Variants in KIAA1671 observed in about 807,000 individuals in gnomAD.
The protein encoded by KIAA1671 is KIAA1671, also known as uncharacterized protein KIAA1671.
Under a neutral mutation model 131.2 loss-of-function variants are expected in KIAA1671, and 52 were observed. The ratio of observed to expected loss-of-function variants is 0.40; its 90% CI spans 0.32 to 0.50. The LOEUF is 0.50. KIAA1671 is among the 20% of genes least tolerant of loss of function. The pLI, the probability that KIAA1671 is intolerant of heterozygous loss-of-function variation, is 0.73. For missense variants in KIAA1671, 2,360 were observed against 2,364.2 expected (o/e 1.00, Z 0.04); for synonymous variants, 1,003 against 961.6 (o/e 1.04, Z -0.80).
chr22:25,133,158 A>G (rs1008401220), intron 6 of KIAA1671, among the ~76,000 whole-genome samples: 1 of 152,160 alleles, frequency 6.6e-6, no homozygotes, highest in East Asian at 1.9e-4. Context: ...TATTATGCAA[A>G]TATACATTAG....
Position 25,000,482 on chromosome 22 carries a change from C to A in KIAA1671, c.-207-25151C>A, listed in dbSNP as rs185402268. 5.5e-4 allele frequency among the ~76,000 whole-genome samples: 35 copies of A among 64,122 alleles called. 6 individuals are homozygous for A. Among genetic ancestry groups the A allele is most frequent in the African/African-American group, 1.5e-3 (29 of 18,980 alleles). 42.1% of individuals were successfully genotyped at this position (64,122 alleles called of 152,430 possible). ...TGCTGGGATTACAGGCGTGAGCCAC[C>A]GCGCCCGGCCTTTTTTTTTTTTTTT... On this transcript the variant is annotated intron_variant, in intron 1 of 12. Transcript: ENST00000358431.
At chr22:24,995,056 T>C (rs1267480551) in intron 1 of KIAA1671, among the ~76,000 whole-genome samples, 6 of 150,986 alleles carry the variant, frequency 4.0e-5, no homozygotes, top group Admixed American at 4.0e-4. Flanking sequence ...GTTTTTTTTT[T>C]TTTTTTTAAT....
chr22:25,015,392 G>A (rs1017631535), intron 1 of KIAA1671, among the ~76,000 whole-genome samples: 2 of 151,264 alleles, frequency 1.3e-5, no homozygotes, highest in Non-Finnish European at 2.9e-5. Flanking sequence ...AGAAAAACAC[G>A]GGGGGAAACA....
intron 1 of KIAA1671, among the ~76,000 whole-genome samples, chr22:24,963,681 C>T (rs1922137754): frequency 6.6e-6 from 1 of 152,022 alleles, no homozygotes; most frequent in African/African-American, 2.4e-5. Context: ...TGGCTCACAC[C>T]TGTAATCCCA....
At chr22:25,156,286 A>G (rs58844684) in intron 6 of KIAA1671, among the ~76,000 whole-genome samples, 42,346 of 151,586 alleles carry the variant, frequency 0.28, 5,993 homozygotes, top group South Asian at 0.36. Context: ...CGGCTTCCCA[A>G]AGTGCTGGGA....
chr22:25,140,423 C>T (rs1049407994), intron 6 of KIAA1671, among the ~76,000 whole-genome samples: 19 of 151,994 alleles, frequency 1.3e-4, no homozygotes, highest in African/African-American at 3.1e-4. Flanking sequence ...TCGCCCAGGC[C>T]GGACTGCGGT....
intron 9 of KIAA1671, chr22:25,179,369 C>G (rs562915857): frequency 1.9e-6 from 3 of 1,604,032 alleles, no homozygotes; most frequent in African/African-American, 2.7e-5. Context: ...CGTGCAGCTC[C>G]TCGCGCAGCC....
intron 6 of KIAA1671, among the ~76,000 whole-genome samples, chr22:25,095,251 T>G (rs1930337953): frequency 6.6e-6 from 1 of 152,162 alleles, no homozygotes; most frequent in South Asian, 2.1e-4. Context: ...GTAGGTGTGG[T>G]TCTTATGAAA....
At position 25,028,859 on chromosome 22, in the gene KIAA1671, T is replaced by G; in HGVS notation, c.860T>G (p.Leu287Arg). Residue 287 changes from leucine to arginine, a missense_variant, in exon 3 of 13, where the codon CTC (leucine) becomes CGC (arginine). Leu to Arg is a moderately radical substitution (Grantham distance 102, BLOSUM62 -2). Coordinates refer to ENST00000358431, the MANE Select transcript of KIAA1671 (RefSeq NM_001145206.2). ...AAGCCCAGGCCCTTGTCCATGGACC[T>G]CACGGCCCGGTTTGAGAACAAAGAG... ...VRKPRPLSMDLTARFENKEAL... is the reference protein window; with the variant it reads ...VRKPRPLSMDRTARFENKEAL... The G allele has an allele frequency of 6.4e-7, 1 of 1,550,932 alleles. No homozygotes were observed. The highest frequency in any genetic ancestry group is 8.7e-7 in the Non-Finnish European group (1 of 1,146,856).
chr22:24,956,871 C>CAAAA lies in KIAA1671; in HGVS notation c.-208+4113_-208+4116dup, dbSNP rs60921102. Among the ~76,000 whole-genome samples the CAAAA allele has an allele frequency of 1.0e-2, 1,027 of 103,028 alleles. 23 individuals are homozygous for CAAAA. The highest frequency in any genetic ancestry group is 0.031 in the African/African-American group (912 of 29,130). The allele number at this position is 103,028 out of a possible 152,430, so 67.6% of individuals were successfully genotyped here. A position where few individuals can be genotyped will look rare whatever the true frequency, so the allele number is the denominator to read the frequency against. On this transcript the variant is annotated intron_variant, in intron 1 of 12. Transcript: ENST00000358431. Reference sequence around the variant, plus strand: ...TGGGCGAGAGAGCGAGACTCTGTCTCAAAAAAAAAAAAAAAAAGAAGGGAG... The same window carrying CAAAA: ...TGGGCGAGAGAGCGAGACTCTGTCTCAAAAAAAAAAAAAAAAAAAAAGAAGGGAG...
rs1409317086 is a variant in KIAA1671 at position 25,041,050 on chromosome 22, G to A, written c.3920G>A (p.Arg1307Lys). 7.3e-6 allele frequency: 11 copies of A among 1,510,674 alleles called. No homozygotes were observed. The South Asian group carries it at 1.2e-4, about 16-fold the overall frequency. 93.6% of individuals were successfully genotyped at this position (1,510,674 alleles called of 1,614,324 possible). The change falls in exon 5 of 13, where the codon AGG becomes AAG. Residue 1307 changes from arginine to lysine, a missense_variant. Physicochemically the swap from Arg to Lys is conservative, Grantham distance 26. Transcript: ENST00000358431. ...CTGCCACCCTCGGCTCCTTCTGAAAGGTATCCAGGGGGCTCTCCTATACCT... is the reference window on the plus strand; with the variant it reads ...CTGCCACCCTCGGCTCCTTCTGAAAAGTATCCAGGGGGCTCTCCTATACCT... ...WALPPSAPSE[R>K]YPGGSPIPAD...
chr22:25,152,901 C>G (rs533156400), intron 6 of KIAA1671, among the ~76,000 whole-genome samples: 1 of 152,030 alleles, frequency 6.6e-6, no homozygotes, highest in Non-Finnish European at 1.5e-5. Context: ...CACCATGCCT[C>G]GCCTAATTTT....
chr22:25,046,547 C>T (rs545385217), intron 5 of KIAA1671, among the ~76,000 whole-genome samples: 4 of 133,776 alleles, frequency 3.0e-5, no homozygotes, highest in South Asian at 4.6e-4. Flanking sequence ...AAGAGAGAGA[C>T]GATTTCACAT....
At chr22:25,091,211 C>T (rs554189095) in intron 6 of KIAA1671, among the ~76,000 whole-genome samples, 2 of 152,142 alleles carry the variant, frequency 1.3e-5, no homozygotes, top group Non-Finnish European at 2.9e-5. Context: ...GCGCCCACCA[C>T]CATGTCTGGC....
intron 10 of KIAA1671, 37 bp from the exon 11 acceptor site, chr22:25,184,940 A>G (rs1280668467): frequency 1.9e-6 from 3 of 1,550,004 alleles, no homozygotes; most frequent in Admixed American, 3.9e-5. Context: ...CCCCAGACAA[A>G]GGGCAGCTTA....
Position 25,003,831 on chromosome 22 carries a change from AT to A in KIAA1671, c.-207-21787del, listed in dbSNP as rs200843388. ...GCATCTATATCAAATAGAAAATAGG[AT>A]TTTTTTTTTTTTTTGAGCCCTGTCA... On this transcript the variant is annotated intron_variant, in intron 1 of 12. Coordinates refer to ENST00000358431, the MANE Select transcript of KIAA1671 (RefSeq NM_001145206.2). Among the ~76,000 whole-genome samples, 1,387 of 142,206 alleles carry A rather than the reference AT, an allele frequency of 9.8e-3. 12 individuals are homozygous for A. Among genetic ancestry groups the A allele is most frequent in the African/African-American group, 0.024 (916 of 38,914 alleles). 93.3% of individuals were successfully genotyped at this position (142,206 alleles called of 152,430 possible).
chr22:25,075,778 C>CTT (rs59244604), intron 6 of KIAA1671, among the ~76,000 whole-genome samples: 8 of 132,596 alleles, frequency 6.0e-5, no homozygotes, highest in East Asian at 4.6e-4. Flanking sequence ...CAGTGCGCAT[C>CTT]TTTTTTTTTT....
At chr22:25,065,646 TA>T (rs146382006) in intron 6 of KIAA1671, among the ~76,000 whole-genome samples, 34 of 150,894 alleles carry the variant, frequency 2.3e-4, no homozygotes, top group South Asian at 4.2e-4. Context: ...TTATTATTAT[TA>T]TTTTTTTTTT....
intron 6 of KIAA1671, among the ~76,000 whole-genome samples, chr22:25,085,574 AG>A (rs967377555): frequency 2.4e-5 from 3 of 122,916 alleles, no homozygotes; most frequent in Admixed American, 9.8e-5. Context: ...TGCTGCTGGG[AG>A]CTTTTGAGGA....
Sources: allele counts gnomAD v4.1 joint callset (sites outside exome capture counted in the v4.1 genomes callset), GRCh38; gene constraint gnomAD v4.1.1; transcripts MANE v1.5; gene names NCBI Gene and HGNC (gene_info 2026-07-23, HGNC 2026-07-21).